SHANK2: variants seen among roughly 807,000 people sequenced by gnomAD.
SHANK2 encodes SH3 and multiple ankyrin repeat domains 2, also known as SH3 and multiple ankyrin repeat domains protein 2.
SHANK2 carries 43 observed loss-of-function variants against 133.7 expected under a neutral mutation model. That is an observed-to-expected ratio of 0.32 (90% confidence interval 0.25 to 0.41). The LOEUF (loss-of-function observed/expected upper bound fraction) is 0.41. SHANK2 is among the 10% of genes least tolerant of loss of function. The probability of loss-of-function intolerance (pLI) is 1.00; values close to 1 mark genes in which losing one functional copy is unlikely to be tolerated. For missense variants in SHANK2, 1,994 were observed against 2,235.8 expected, an observed-to-expected ratio of 0.89 and a Z score of 2.18; for synonymous variants, 1,017 against 952.8, an observed-to-expected ratio of 1.07 and a Z score of -1.24.
chr11:70,608,819 C>T (rs569127387), intron 17 of SHANK2, among the ~76,000 whole-genome samples: 5 of 152,346 alleles, frequency 3.3e-5, no homozygotes, highest in East Asian at 3.9e-4. Flanking sequence ...CAGCTAAACG[C>T]GGTCTATTAC....
chr11:70,586,075 C>A (rs1228512323), intron 17 of SHANK2, among the ~76,000 whole-genome samples: 4 of 152,110 alleles, frequency 2.6e-5, no homozygotes, highest in Non-Finnish European at 5.9e-5. Flanking sequence ...AACAAGTAGC[C>A]ACGAGTGTGG....
chr11:70,496,637 C>T (rs961504018), intron 21 of SHANK2, among the ~76,000 whole-genome samples: 5 of 152,156 alleles, frequency 3.3e-5, no homozygotes, highest in Admixed American at 1.3e-4. Flanking sequence ...GTTCCCATGT[C>T]GAAGGGAAAA....
chr11:70,519,657 C>T (rs1228123976), intron 17 of SHANK2, among the ~76,000 whole-genome samples: 1 of 151,874 alleles, frequency 6.6e-6, no homozygotes, highest in Non-Finnish European at 1.5e-5. Flanking sequence ...CAAAAAAAAA[C>T]AAAAAGTGCC....
chr11:70,490,424 G>A (rs781854665), intron 22 of SHANK2, 37 bp from the exon 23 acceptor site: 1 of 1,568,202 alleles, frequency 6.4e-7, no homozygotes, highest in Non-Finnish European at 8.8e-7. Context: ...ACGCAGCCCT[G>A]GCCAGCCCCC....
Position 70,773,257 on chromosome 11 carries a change from G to A in SHANK2, c.1777+25186C>T, listed in dbSNP as rs115480308. On this transcript the variant is annotated intron_variant, in intron 14 of 25. Transcript: ENST00000601538. ...CTGGGCGAGCGGCTCACAGGGCAGC[G>A]TCCTAAAGACAAGAGCAAAGCTTTG... Among the ~76,000 whole-genome samples the A allele has an allele frequency of 2.8e-3, 434 of 152,318 alleles. 3 individuals are homozygous for A. The highest frequency in any genetic ancestry group is 0.01 in the African/African-American group (419 of 41,574).
chr11:70,593,571 G>T (rs1258173649), intron 17 of SHANK2, among the ~76,000 whole-genome samples: 1 of 152,148 alleles, frequency 6.6e-6, no homozygotes, highest in Admixed American at 6.6e-5. Flanking sequence ...ATACTAGAGT[G>T]GCAGGAAGGC....
chr11:70,649,756 G>A (rs149167003), intron 17 of SHANK2, among the ~76,000 whole-genome samples: 189 of 152,312 alleles, frequency 1.2e-3, no homozygotes, highest in African/African-American at 3.8e-3. Context: ...TGCAGCCTTC[G>A]CTCCATGTAG....
chr11:70,653,017 G>A (rs2061355479), intron 17 of SHANK2, among the ~76,000 whole-genome samples: 1 of 151,994 alleles, frequency 6.6e-6, no homozygotes, highest in South Asian at 2.1e-4. Flanking sequence ...CTGTCACCCA[G>A]GCTGGAGTGC....
chr11:70,725,606 C>T (rs1946163442), intron 14 of SHANK2, among the ~76,000 whole-genome samples: 1 of 152,198 alleles, frequency 6.6e-6, no homozygotes, highest in South Asian at 2.1e-4. Flanking sequence ...GAACCTCACC[C>T]CAATACCGCA....
chr11:71,098,351 C>A (rs1174743346), intron 6 of SHANK2, among the ~76,000 whole-genome samples: 1 of 152,208 alleles, frequency 6.6e-6, no homozygotes, highest in East Asian at 1.9e-4. Flanking sequence ...ATCCTAGTGT[C>A]CAAGATCAGT....
rs371160747 is a variant in SHANK2 at position 70,469,863 on chromosome 11, C to T, written c.*3006G>A. The T allele has an allele frequency of 3.3e-5, 5 of 152,578 alleles. No homozygotes were observed. Among genetic ancestry groups the T allele is most frequent in the East Asian group, 1.9e-4 (1 of 5,204 alleles). 9.5% of individuals were successfully genotyped at this position (152,578 alleles called of 1,614,324 possible). On this transcript the variant is annotated 3_prime_UTR_variant, in exon 26 of 26. Coordinates refer to ENST00000601538, the MANE Select transcript of SHANK2 (RefSeq NM_012309.5). ...ATTATGTGAATTAACTTAAAATGTG[C>T]GCAGACACCCTGGAAAAGGTATCTT...
chr11:70,785,474 G>A (rs1947628902), intron 14 of SHANK2, among the ~76,000 whole-genome samples: 1 of 151,826 alleles, frequency 6.6e-6, no homozygotes, highest in Non-Finnish European at 1.5e-5. Context: ...TTTTTTGCCA[G>A]CTGGCCCTGC....
intron 11 of SHANK2, among the ~76,000 whole-genome samples, chr11:70,867,437 A>G (rs1393332424): frequency 6.6e-6 from 1 of 152,202 alleles, no homozygotes; most frequent in Non-Finnish European, 1.5e-5. Flanking sequence ...CGCTGTTAAC[A>G]GCAAACAGCT....
At chr11:70,623,465 A>G (rs983097066) in intron 17 of SHANK2, among the ~76,000 whole-genome samples, 2 of 152,140 alleles carry the variant, frequency 1.3e-5, no homozygotes, top group African/African-American at 4.8e-5. Flanking sequence ...AGCCAGATGC[A>G]CCCCGAAGGC....
chr11:70,784,698 C>T (rs1352238871), intron 14 of SHANK2, among the ~76,000 whole-genome samples: 1 of 152,260 alleles, frequency 6.6e-6, no homozygotes, highest in Middle Eastern at 3.4e-3. Context: ...ATGGGCTGAG[C>T]TCTGTCTGCC....
chr11:70,592,838 C>T (rs553552329), intron 17 of SHANK2, among the ~76,000 whole-genome samples: 8 of 152,268 alleles, frequency 5.3e-5, no homozygotes, highest in African/African-American at 1.4e-4. Flanking sequence ...TTCAGGGACC[C>T]GATGTCCAGC....
At chr11:70,565,785 T>G (rs1375153504) in intron 17 of SHANK2, among the ~76,000 whole-genome samples, 4 of 152,236 alleles carry the variant, frequency 2.6e-5, no homozygotes, top group Non-Finnish European at 5.9e-5. Flanking sequence ...CAGTTTCTGT[T>G]TCTCCATCTT....
At chr11:70,625,723 G>A (rs1554999697) in intron 17 of SHANK2, among the ~76,000 whole-genome samples, 2 of 134,792 alleles carry the variant, frequency 1.5e-5, no homozygotes, top group African/African-American at 2.8e-5. Context: ...AGGCCCCTCC[G>A]CTCCCCAAGT....
At chr11:71,152,932 C>T (rs111463108) in intron 2 of SHANK2, among the ~76,000 whole-genome samples, 1,779 of 152,228 alleles carry the variant, frequency 0.012, 39 homozygotes, top group African/African-American at 0.041. Flanking sequence ...AGGCAGAAGG[C>T]GCAAGTCCCA....
Sources: allele counts gnomAD v4.1 joint callset (sites outside exome capture counted in the v4.1 genomes callset), GRCh38; gene constraint gnomAD v4.1.1; transcripts MANE v1.5; gene names NCBI Gene and HGNC (gene_info 2026-07-23, HGNC 2026-07-21).